TYRP1: variants seen among roughly 807,000 people sequenced by gnomAD.
TYRP1 encodes the protein 5,6-dihydroxyindole-2-carboxylic acid oxidase.
TYRP1 carries 49 observed loss-of-function variants against 42.8 expected under a neutral mutation model. The observed-to-expected ratio is 1.14, with a 90% CI of 0.91 to 1.45. TYRP1 has a LOEUF of 1.45. TYRP1 is among the 40% of genes most tolerant of loss of function. The pLI is 0.00. For missense variants in TYRP1, 848 were observed against 662.0 expected, an observed-to-expected ratio of 1.28 and a Z score of -3.08; for synonymous variants, 279 against 235.4, an observed-to-expected ratio of 1.19 and a Z score of -1.69.
intron 6 of TYRP1, 79 bp downstream of exon 6, chr9:12,704,784 C>A: frequency 6.5e-6 from 9 of 1,391,606 alleles, no homozygotes; most frequent in Non-Finnish European, 8.1e-6. Context: ...TCAAGCTGAG[C>A]ACTCAGCGCA....
intron 4 of TYRP1, among the ~76,000 whole-genome samples, chr9:12,699,306 C>G (rs891340917): frequency 6.6e-6 from 1 of 151,978 alleles, no homozygotes; most frequent in African/African-American, 2.4e-5. Flanking sequence ...ACATGTAGAT[C>G]TCTTCCTGAG....
rs533464059 is a variant in TYRP1 at position 12,693,903 on chromosome 9, C to T, written c.-85-9C>T. ...CTTGCATAATCTCATTTTACTTTCT[C>T]TTTTTCAGCTGGATTTTCCTCTACG... On this transcript the variant is annotated splice_polypyrimidine_tract_variant and intron_variant, in intron 1 of 7. Transcript: ENST00000388918. The T allele has an allele frequency of 1.3e-6, 2 of 1,560,906 alleles. No individual in the cohort carries two copies. Among genetic ancestry groups the T allele is most frequent in the East Asian group, 2.3e-5 (1 of 44,420 alleles).
chr9:12,704,474 A>C, intron 5 of TYRP1, 52 bp from the exon 6 acceptor site: 1 of 1,583,718 alleles, frequency 6.3e-7, no homozygotes, highest in Admixed American at 1.7e-5. Context: ...TTACCTGGAA[A>C]AGTGAAATAT....
chr9:12,707,919 G>A, intron 6 of TYRP1, 78 bp from the exon 7 acceptor site: 2 of 1,385,272 alleles, frequency 1.4e-6, no homozygotes, highest in South Asian at 2.7e-5. Flanking sequence ...TTGAATATTG[G>A]ATGCCTTTAG....
Position 12,694,000 on chromosome 9 carries a change from A to T in TYRP1, c.4A>T (p.Ser2Cys). The stretch of plus-strand genomic sequence containing the variant: ...TTGCACTCTTATTTCAAGCAGAATG[A>T]GTGCTCCTAAACTCCTCTCTCTGGG... M[S>C]APKLLSLGCI... Residue 2 changes from serine to cysteine, a missense_variant, in exon 2 of 8, where the codon AGT becomes TGT. Ser to Cys is a moderately radical substitution (Grantham distance 112, BLOSUM62 -1). Coordinates refer to ENST00000388918, the MANE Select transcript of TYRP1 (RefSeq NM_000550.3). The T allele has an allele frequency of 6.2e-7, 1 of 1,613,896 alleles. No individual in the cohort carries two copies. The highest frequency in any genetic ancestry group is 8.5e-7 in the Non-Finnish European group (1 of 1,179,972).
chr9:12,704,415 T>C, intron 5 of TYRP1, 111 bp from the exon 6 acceptor site: 1 of 1,163,106 alleles, frequency 8.6e-7, no homozygotes, highest in Non-Finnish European at 1.2e-6. Context: ...AAGGCAAAAA[T>C]TGGCCTGACG....
At position 12,709,284 on chromosome 9, in the gene TYRP1, T is replaced by C; in HGVS notation, c.*102T>C. 1 of 1,179,902 alleles carries C rather than the reference T, an allele frequency of 8.5e-7. No individual in the cohort carries two copies. The allele number at this position is 1,179,902 out of a possible 1,614,324, so 73.1% of individuals were successfully genotyped here. On this transcript the variant is annotated 3_prime_UTR_variant, in exon 8 of 8. Coordinates refer to ENST00000388918, the MANE Select transcript of TYRP1 (RefSeq NM_000550.3). The stretch of plus-strand genomic sequence containing the variant: ...TTTTCTTTCACTTTATTACCTTCTT[T>C]CTAATACAAGCATATGTTAGCATTA...
chr9:12,701,384 C>CTCT (rs1818165607), intron 4 of TYRP1, among the ~76,000 whole-genome samples: 1 of 152,072 alleles, frequency 6.6e-6, no homozygotes, highest in South Asian at 2.1e-4. Flanking sequence ...CACCAAACAA[C>CTCT]TCTTCAGCAC....
chr9:12,699,688 T>C (rs1443134632), intron 4 of TYRP1, among the ~76,000 whole-genome samples: 1 of 152,056 alleles, frequency 6.6e-6, no homozygotes, highest in East Asian at 1.9e-4. Context: ...TTAGAATAAA[T>C]TTGTATTTGT....
chr9:12,707,094 T>A (rs1013227446), intron 6 of TYRP1, among the ~76,000 whole-genome samples: 3 of 152,024 alleles, frequency 2.0e-5, no homozygotes, highest in Admixed American at 6.6e-5. Flanking sequence ...CTGATCTATA[T>A]ACACATTCAA....
At position 12,694,335 on chromosome 9, in the gene TYRP1, C is replaced by T. The variant is rs757291528; in HGVS notation, c.339C>T (p.Cys113=). ...GNFSGHNCGT[C]RPGWRGAACD... ...TCTCAGGACACAACTGTGGGACGTGCCGTCCTGGCTGGAGAGGAGCTGCCT... is the reference window on the plus strand; with the variant it reads ...TCTCAGGACACAACTGTGGGACGTGTCGTCCTGGCTGGAGAGGAGCTGCCT... The change falls in exon 2 of 8, where the codon TGC becomes TGT. Residue 113 remains cysteine, a synonymous_variant. Transcript: ENST00000388918. The T allele has an allele frequency of 3.7e-6, 6 of 1,613,954 alleles. No homozygotes were observed. The highest frequency in any genetic ancestry group is 1.6e-4 in the Middle Eastern group (1 of 6,062).
At chr9:12,697,251 T>C (rs988047152) in intron 3 of TYRP1, among the ~76,000 whole-genome samples, 5 of 152,174 alleles carry the variant, frequency 3.3e-5, no homozygotes, top group African/African-American at 9.6e-5. Context: ...CTTCAACCTC[T>C]ATGACTTACA....
intron 3 of TYRP1, among the ~76,000 whole-genome samples, chr9:12,696,721 G>A (rs181120124): frequency 5.3e-5 from 8 of 152,066 alleles, no homozygotes; most frequent in Admixed American, 2.6e-4. Context: ...TTTACCAACT[G>A]CTCTGTTCCT....
At chr9:12,703,907 G>GTGTGTGTA (rs748403029) in intron 5 of TYRP1, among the ~76,000 whole-genome samples, 2 of 139,576 alleles carry the variant, frequency 1.4e-5, no homozygotes, top group Non-Finnish European at 3.3e-5. Context: ...GTGTGTGTGT[G>GTGTGTGTA]TGTATATATG....
In TYRP1 at chr9:12,694,133, C is replaced by G. The variant is rs761049226; in HGVS notation, c.137C>G (p.Ser46Cys). ...LRSGMCCPDLSPVSGPGTDRC... is the reference protein window; with the variant it reads ...LRSGMCCPDLCPVSGPGTDRC... ...AGTGGTATGTGTTGCCCAGACCTGT[C>G]CCCTGTGTCTGGGCCTGGGACAGAC... The change falls in exon 2 of 8, where the codon TCC becomes TGC. Residue 46 changes from serine (S) to cysteine (C), a missense_variant. Ser to Cys is a moderately radical substitution (Grantham distance 112). Transcript: ENST00000388918. 3.1e-6 allele frequency: 5 copies of G among 1,613,932 alleles called. No individual in the cohort carries two copies. Among genetic ancestry groups the G allele is most frequent in the Admixed American group, 3.3e-5 (2 of 59,982 alleles).
chr9:12,708,953 A>C (rs754559668), intron 7 of TYRP1, 24 bp from the exon 8 acceptor site: 2 of 1,554,216 alleles, frequency 1.3e-6, no homozygotes, highest in Non-Finnish European at 1.8e-6. Flanking sequence ...TTGTCTTTTT[A>C]TTTTTATCTT....
rs529419401 is a variant in TYRP1 at position 12,693,958 on chromosome 9, C to A, written c.-39C>A. On this transcript the variant is annotated 5_prime_UTR_variant, in exon 2 of 8. Transcript: ENST00000388918. The stretch of plus-strand genomic sequence containing the variant: ...TCAGTCTTCTCTACACAAAGAGCTG[C>A]AAACCAGGTCTTTGTTTTGCACTCT... 7 of 1,612,350 alleles carry A rather than the reference C, an allele frequency of 4.3e-6. No homozygotes were observed. The highest frequency in any genetic ancestry group is 1.1e-5 in the South Asian group (1 of 90,874).
At chr9:12,704,855 A>C (rs1456993157) in intron 6 of TYRP1, 150 bp downstream of exon 6, 12 of 776,616 alleles carry the variant, frequency 1.5e-5, no homozygotes, top group Non-Finnish European at 2.2e-5. Context: ...CCAGACATTC[A>C]ATTCTACTTT....
Position 12,693,898 on chromosome 9 carries a change from T to A in TYRP1, c.-85-14T>A. On this transcript the variant is annotated splice_polypyrimidine_tract_variant and intron_variant, in intron 1 of 7. Coordinates refer to ENST00000388918, the MANE Select transcript of TYRP1 (RefSeq NM_000550.3). ...AAAAACTTGCATAATCTCATTTTAC[T>A]TTCTCTTTTTCAGCTGGATTTTCCT... The A allele has an allele frequency of 1.3e-6, 2 of 1,545,336 alleles. No homozygotes were observed. The highest frequency in any genetic ancestry group is 1.8e-6 in the Non-Finnish European group (2 of 1,134,090).
Sources: gnomAD v4.1 joint callset for allele counts (sites outside exome capture counted in the v4.1 genomes callset) on GRCh38, gnomAD v4.1.1 for gene constraint, MANE v1.5 for transcripts, NCBI Gene and HGNC (gene_info 2026-07-23, HGNC 2026-07-21) for gene names.